The following NRXN1 variants were observed in gnomAD, a reference collection of about 807,000 sequenced individuals.
NRXN1 encodes the protein neurexin 1, also known as neurexin-1.
In NRXN1, 39 loss-of-function variants were observed where a neutral mutation model predicts 150.9. The ratio of observed to expected loss-of-function variants is 0.26; its 90% CI spans 0.20 to 0.34. NRXN1 has a LOEUF of 0.34. NRXN1 is among the 10% of genes least tolerant of loss of function. The probability of loss-of-function intolerance (pLI) is 1.00; values close to 1 mark genes in which losing one functional copy is unlikely to be tolerated. For missense variants in NRXN1, 1,815 were observed against 1,949.9 expected (o/e 0.93, Z 1.30); for synonymous variants, 924 against 757.0 (o/e 1.22, Z -3.62).
At chr2:50,923,140 A>G (rs940396661) in intron 3 of NRXN1, among the ~76,000 whole-genome samples, 2 of 151,872 alleles carry the variant, frequency 1.3e-5, no homozygotes, top group African/African-American at 4.8e-5. Context: ...TCAAAAAATG[A>G]GCATTTTATA....
chr2:50,623,474 C>T lies in NRXN1; in HGVS notation c.974G>A (p.Gly325Glu). 6.2e-7 allele frequency: 1 copy of T among 1,613,454 alleles called. No individual in the cohort carries two copies. The highest frequency in any genetic ancestry group is 8.5e-7 in the Non-Finnish European group (1 of 1,179,538). Residue 325 changes from glycine (G) to glutamate (E), a missense_variant, in exon 6 of 23, where the codon GGG becomes GAG. Gly to Glu is a moderately conservative substitution (Grantham distance 98). Transcript: ENST00000401669. ...LQRNGLMLHT[G>E]KSADYVNLAL... ...AAGATTGACATAATCAGCCGATTTC[C>T]CAGTGTGAAGCATCAGTCCATTCCT... is the stretch of plus-strand genomic sequence containing the variant.
intron 17 of NRXN1, among the ~76,000 whole-genome samples, chr2:50,419,717 C>T (rs12616829): frequency 0.19 from 28,358 of 151,904 alleles, 3,004 homozygotes; most frequent in East Asian, 0.38. Flanking sequence ...TAAACTTTAT[C>T]CTTTGTAATG....
chr2:50,435,226 C>G (rs931440634), intron 17 of NRXN1, among the ~76,000 whole-genome samples: 2 of 152,146 alleles, frequency 1.3e-5, no homozygotes, highest in African/African-American at 4.8e-5. Flanking sequence ...CACTCACCAT[C>G]TGTGTTCTTA....
intron 5 of NRXN1, among the ~76,000 whole-genome samples, chr2:50,908,114 T>G (rs1316670861): frequency 6.6e-6 from 1 of 152,120 alleles, no homozygotes; most frequent in Non-Finnish European, 1.5e-5. Context: ...TATTTATGTT[T>G]GTATTCACAG....
intron 17 of NRXN1, among the ~76,000 whole-genome samples, chr2:50,376,641 T>G (rs1274049202): frequency 1.3e-5 from 2 of 152,160 alleles, no homozygotes; most frequent in Admixed American, 6.5e-5. Flanking sequence ...TGTGGATACT[T>G]GCAAGGGAAA....
At chr2:50,145,501 C>T (rs951904206) in intron 18 of NRXN1, among the ~76,000 whole-genome samples, 1 of 151,678 alleles carries the variant, frequency 6.6e-6, no homozygotes, top group South Asian at 2.1e-4. Context: ...CATTTCCTGT[C>T]AATTGATCCA....
chr2:50,619,146 A>T (rs1679536077), intron 8 of NRXN1: 1 of 152,140 alleles, frequency 6.6e-6, no homozygotes, highest in Non-Finnish European at 1.5e-5. Flanking sequence ...CAAGTACATC[A>T]CTGCTTACCA....
At chr2:49,928,441 T>G (rs1045606657) in intron 22 of NRXN1, among the ~76,000 whole-genome samples, 46 of 152,162 alleles carry the variant, frequency 3.0e-4, no homozygotes, top group Non-Finnish European at 2.6e-4. Flanking sequence ...TTCTATACTG[T>G]GTCTAATAGA....
At chr2:50,370,500 TA>T (rs1437343148) in intron 17 of NRXN1, among the ~76,000 whole-genome samples, 1 of 151,930 alleles carries the variant, frequency 6.6e-6, no homozygotes, top group Non-Finnish European at 1.5e-5. Context: ...TATGTATCTA[TA>T]AAAAAAACAA....
At chr2:50,371,257 CAA>C (rs1006686378) in intron 17 of NRXN1, among the ~76,000 whole-genome samples, 1 of 151,882 alleles carries the variant, frequency 6.6e-6, no homozygotes, top group African/African-American at 2.4e-5. Context: ...TACCAATAGC[CAA>C]AAGTCAAAGG....
At chr2:50,038,271 C>T (rs534752789) in intron 21 of NRXN1, among the ~76,000 whole-genome samples, 1 of 152,274 alleles carries the variant, frequency 6.6e-6, no homozygotes, top group Admixed American at 6.5e-5. Context: ...ATGTAATGTC[C>T]TTCGCTTGCA....
chr2:49,956,576 T>C (rs1232155429), intron 21 of NRXN1, among the ~76,000 whole-genome samples: 1 of 152,130 alleles, frequency 6.6e-6, no homozygotes, highest in Non-Finnish European at 1.5e-5. Flanking sequence ...AAAAAAGATC[T>C]CACATAGCAA....
At chr2:50,567,468 G>A (rs1253109513) in intron 8 of NRXN1, among the ~76,000 whole-genome samples, 1 of 152,088 alleles carries the variant, frequency 6.6e-6, no homozygotes, top group Non-Finnish European at 1.5e-5. Context: ...AAATATAAAG[G>A]AGGATGTTAA....
intron 17 of NRXN1, among the ~76,000 whole-genome samples, chr2:50,311,247 T>C (rs2075155638): frequency 6.6e-6 from 1 of 152,136 alleles, no homozygotes; most frequent in Non-Finnish European, 1.5e-5. Flanking sequence ...ACAATGAAGT[T>C]TCATACTTTT....
chr2:50,988,722 T>TCC (rs1698091008), intron 2 of NRXN1, among the ~76,000 whole-genome samples: 1 of 151,936 alleles, frequency 6.6e-6, no homozygotes, highest in African/African-American at 2.4e-5. Context: ...ACCCTAATGC[T>TCC]CCATGCAGAG....
chr2:50,282,807 T>G (rs1369561745), intron 17 of NRXN1, among the ~76,000 whole-genome samples: 3 of 152,160 alleles, frequency 2.0e-5, no homozygotes, highest in African/African-American at 7.2e-5. Context: ...CAAAATAATT[T>G]TGAGTAGTCG....
At chr2:50,797,466 AAC>A (rs1179438001) in intron 5 of NRXN1, among the ~76,000 whole-genome samples, 1 of 152,146 alleles carries the variant, frequency 6.6e-6, no homozygotes, top group African/African-American at 2.4e-5. Context: ...ACATTTTAAA[AAC>A]ACAGAACAGC....
intron 2 of NRXN1, among the ~76,000 whole-genome samples, chr2:51,013,657 A>G (rs974030982): frequency 6.6e-5 from 10 of 152,018 alleles, no homozygotes; most frequent in Admixed American, 1.3e-4. Flanking sequence ...AACCTTAAGC[A>G]ATTTAAAACT....
intron 12 of NRXN1, 150 bp from the exon 13 acceptor site, chr2:50,506,767 A>G (rs937815579): frequency 2.5e-6 from 2 of 800,092 alleles, no homozygotes; most frequent in Non-Finnish European, 3.8e-6. Flanking sequence ...GGAGGGAGAG[A>G]AAGGAAACAG....
Sources: gnomAD v4.1 joint callset for allele counts (sites outside exome capture counted in the v4.1 genomes callset) on GRCh38, gnomAD v4.1.1 for gene constraint, MANE v1.5 for transcripts, NCBI Gene and HGNC (gene_info 2026-07-23, HGNC 2026-07-21) for gene names.